The following BEND7 variants were observed in gnomAD, a reference collection of about 807,000 sequenced individuals.
BEND7 encodes BEN domain-containing protein 7.
In BEND7, 28 loss-of-function variants were observed where a neutral mutation model predicts 50.9. The ratio of observed to expected loss-of-function variants is 0.55; its 90% CI spans 0.41 to 0.75. BEND7 has a LOEUF of 0.75. Ranked by LOEUF, BEND7 falls within the 30% of genes least tolerant of loss-of-function variation. The pLI is 0.00. For missense variants in BEND7, 477 were observed against 491.3 expected, an observed-to-expected ratio of 0.97 and a Z score of 0.28; for synonymous variants, 170 against 183.9, an observed-to-expected ratio of 0.92 and a Z score of 0.61.
At chr10:13,440,652 C>T (rs1835205893), downstream of BEND7, among the ~76,000 whole-genome samples, 1 of 152,190 alleles carries the variant, frequency 6.6e-6, no homozygotes, top group East Asian at 1.9e-4. Flanking sequence ...CGAGGAGTGG[C>T]GCCCTCCTGT....
chr10:13,451,266 G>A (rs1837625491), intron 7 of BEND7, among the ~76,000 whole-genome samples: 1 of 151,392 alleles, frequency 6.6e-6, no homozygotes, highest in Non-Finnish European at 1.5e-5. Flanking sequence ...GTCGCTCACT[G>A]CAGCCTCAAA....
intron 6 of BEND7, among the ~76,000 whole-genome samples, chr10:13,457,759 T>A (rs535951670): frequency 6.6e-6 from 1 of 152,210 alleles, no homozygotes; most frequent in Non-Finnish European, 1.5e-5. Context: ...CCTGAATCTA[T>A]AGCTAAAGGT....
chr10:13,526,703 TTTG>T (rs1424832275), intron 1 of BEND7, among the ~76,000 whole-genome samples: 1 of 152,196 alleles, frequency 6.6e-6, no homozygotes, highest in Admixed American at 6.5e-5. Context: ...AAAATACTGA[TTTG>T]TTATTTCAAA....
chr10:13,452,711 A>T, intron 6 of BEND7, 53 bp from the exon 7 acceptor site: 1 of 1,477,640 alleles, frequency 6.8e-7, no homozygotes, highest in Non-Finnish European at 9.2e-7. Context: ...AAATATGCAG[A>T]TCTGAAACAG....
intron 6 of BEND7, among the ~76,000 whole-genome samples, chr10:13,471,674 A>T (rs1439731939): frequency 6.6e-6 from 1 of 152,236 alleles, no homozygotes; most frequent in East Asian, 1.9e-4. Flanking sequence ...AACACAAAAA[A>T]AGTTTTAAAC....
intron 2 of BEND7, among the ~76,000 whole-genome samples, chr10:13,515,156 G>A (rs557996640): frequency 1.3e-5 from 2 of 152,134 alleles, no homozygotes; most frequent in African/African-American, 2.4e-5. Context: ...GAAATGCTGC[G>A]AGAGACACAG....
intron 2 of BEND7, among the ~76,000 whole-genome samples, chr10:13,518,170 A>G (rs181175161): frequency 4.0e-4 from 61 of 152,332 alleles, no homozygotes; most frequent in Non-Finnish European, 5.9e-4. Context: ...AAAAGACCAC[A>G]ATATATCACA....
intron 2 of BEND7, among the ~76,000 whole-genome samples, 169 bp from the exon 3 acceptor site, chr10:13,500,249 GA>G (rs1399297655): frequency 1.3e-5 from 2 of 152,198 alleles, no homozygotes. Flanking sequence ...ACTACGGTCT[GA>G]AAAAACCCAT....
chr10:13,521,876 C>A (rs1262756608), intron 2 of BEND7, among the ~76,000 whole-genome samples: 2 of 152,202 alleles, frequency 1.3e-5, no homozygotes, highest in Non-Finnish European at 2.9e-5. Context: ...GGAGATAACT[C>A]TCTAACTTGT....
chr10:13,509,240 T>C (rs184358610), intron 2 of BEND7, among the ~76,000 whole-genome samples: 22 of 152,354 alleles, frequency 1.4e-4, no homozygotes, highest in Admixed American at 9.1e-4. Flanking sequence ...GATGTCCTTA[T>C]GTTTTCTCTT....
intron 4 of BEND7, among the ~76,000 whole-genome samples, chr10:13,495,068 G>A (rs1029152999): frequency 2.0e-5 from 3 of 152,214 alleles, no homozygotes; most frequent in African/African-American, 4.8e-5. Flanking sequence ...AAAGGCTTCC[G>A]TCAAGGATTT....
intron 5 of BEND7, among the ~76,000 whole-genome samples, chr10:13,488,709 A>C (rs572910909): frequency 2.6e-4 from 39 of 152,008 alleles, no homozygotes; most frequent in Non-Finnish European, 4.7e-4. Flanking sequence ...GGACTGTCTC[A>C]ATCTCCTGAC....
chr10:13,439,373 C>T, downstream of BEND7: 5 of 1,614,182 alleles, frequency 3.1e-6, no homozygotes, highest in Non-Finnish European at 4.2e-6. Flanking sequence ...GCACGAGATG[C>T]TGCTCCTCCC....
In BEND7 at chr10:13,441,199, A is replaced by T. The variant is rs1451599419; in HGVS notation, c.*544T>A. ...ATTTTCACAACCAGGCTTGCATTGA[A>T]TTCTTTTTTAAAGAACATAGTAATT... On this transcript the variant is annotated 3_prime_UTR_variant, in exon 9 of 9. Transcript: ENST00000466271. 1 of 953,962 alleles carries T rather than the reference A, an allele frequency of 1.0e-6. No individual in the cohort carries two copies. The highest frequency in any genetic ancestry group is 1.2e-6 in the Non-Finnish European group (1 of 801,420). The allele number at this position is 953,962 out of a possible 1,614,324, so 59.1% of individuals were successfully genotyped here.
chr10:13,474,438 C>G (rs1216955383), intron 6 of BEND7, among the ~76,000 whole-genome samples: 1 of 152,208 alleles, frequency 6.6e-6, no homozygotes, highest in Non-Finnish European at 1.5e-5. Context: ...GGGCCGATAT[C>G]TGTCATCACT....
chr10:13,500,622 G>A (rs2077373094), intron 2 of BEND7: 3 of 986,406 alleles, frequency 3.0e-6, no homozygotes, highest in Non-Finnish European at 3.6e-6. Context: ...CAGGGATGCA[G>A]GGCTTCACTG....
At chr10:13,484,923 C>T (rs1374594551) in intron 5 of BEND7, among the ~76,000 whole-genome samples, 1 of 152,160 alleles carries the variant, frequency 6.6e-6, no homozygotes, top group African/African-American at 2.4e-5. Context: ...GCAAACACTG[C>T]ATACACAGTC....
chr10:13,483,610 T>G (rs1312892337), intron 5 of BEND7, among the ~76,000 whole-genome samples: 1 of 152,384 alleles, frequency 6.6e-6, no homozygotes, highest in East Asian at 1.9e-4. Context: ...ACAGTTCATG[T>G]GGTACCTCCA....
At chr10:13,521,593 C>G (rs935240604) in intron 2 of BEND7, among the ~76,000 whole-genome samples, 18 of 152,216 alleles carry the variant, frequency 1.2e-4, no homozygotes, top group African/African-American at 1.4e-4. Flanking sequence ...TGGGGAGGAA[C>G]AGAGGGGAAG....
Sources: gnomAD v4.1 joint callset for allele counts (sites outside exome capture counted in the v4.1 genomes callset) on GRCh38, gnomAD v4.1.1 for gene constraint, MANE v1.5 for transcripts, NCBI Gene and HGNC (gene_info 2026-07-23, HGNC 2026-07-21) for gene names.